LRBA: variants seen among roughly 807,000 people sequenced by gnomAD.
LRBA encodes LPS responsive beige-like anchor protein.
In LRBA, 176 loss-of-function variants were observed where a neutral mutation model predicts 330.0. The ratio of observed to expected loss-of-function variants is 0.53; its 90% CI spans 0.47 to 0.60. The LOEUF (loss-of-function observed/expected upper bound fraction) is 0.60. Among genes scored for constraint, LRBA ranks in the 20% least tolerant of loss-of-function variants. LRBA has a pLI of 0.00. For synonymous variants in LRBA, 1,230 were observed against 1,193.0 expected (o/e 1.03, Z -0.64); for missense variants, 3,259 against 3,444.8 (o/e 0.95, Z 1.35).
chr4:150,685,714 C>T (rs1468796320), intron 36 of LRBA, among the ~76,000 whole-genome samples: 4 of 151,540 alleles, frequency 2.6e-5, no homozygotes, highest in Non-Finnish European at 2.9e-5. Flanking sequence ...CGATTACAGG[C>T]GTGAGCCACC....
intron 47 of LRBA, among the ~76,000 whole-genome samples, chr4:150,378,622 T>TA (rs2151883032): frequency 6.6e-6 from 1 of 152,262 alleles, no homozygotes; most frequent in Non-Finnish European, 1.5e-5. Flanking sequence ...AATCACATTG[T>TA]AAGTAAAGGT....
intron 37 of LRBA, among the ~76,000 whole-genome samples, chr4:150,627,368 T>C (rs1776963262): frequency 6.6e-6 from 1 of 152,052 alleles, no homozygotes; most frequent in Admixed American, 6.6e-5. Flanking sequence ...AAATGACATA[T>C]AACAAGGCTT....
chr4:150,522,090 G>A (rs1762976325), intron 40 of LRBA, among the ~76,000 whole-genome samples: 1 of 151,952 alleles, frequency 6.6e-6, no homozygotes, highest in Non-Finnish European at 1.5e-5. Context: ...TATAATTCTG[G>A]AGGACAGAAA....
At chr4:150,358,805 C>A (rs144882150) in intron 47 of LRBA, among the ~76,000 whole-genome samples, 3,245 of 152,134 alleles carry the variant, frequency 0.021, 50 homozygotes, top group Middle Eastern at 0.034. Flanking sequence ...AAATTTAATC[C>A]CTTCCCATTT....
chr4:150,453,945 G>T (rs772149356), intron 44 of LRBA, among the ~76,000 whole-genome samples: 3 of 151,806 alleles, frequency 2.0e-5, no homozygotes, highest in Non-Finnish European at 4.4e-5. Flanking sequence ...TGAATGTTTC[G>T]ATCAAAACGA....
intron 47 of LRBA, among the ~76,000 whole-genome samples, chr4:150,351,268 T>C (rs563522658): frequency 4.6e-5 from 7 of 152,322 alleles, no homozygotes; most frequent in African/African-American, 1.7e-4. Flanking sequence ...AAACTATCCA[T>C]CTTTATATTA....
At chr4:150,695,631 G>A (rs1784550337) in intron 36 of LRBA, among the ~76,000 whole-genome samples, 1 of 152,064 alleles carries the variant, frequency 6.6e-6, no homozygotes, top group South Asian at 2.1e-4. Context: ...ACCAATTTTT[G>A]ATCTGCAGTT....
chr4:150,788,239 ATTTTTTTTTTTTTTTTT>A (rs377479266), intron 34 of LRBA, among the ~76,000 whole-genome samples: 2 of 123,228 alleles, frequency 1.6e-5, no homozygotes, highest in East Asian at 2.3e-4. Flanking sequence ...CACCCGGTTA[ATTTTTTTTTTTTTTTTT>A]TTTTTTTTTT....
At chr4:150,270,471 A>G (rs1459098041) in intron 56 of LRBA, among the ~76,000 whole-genome samples, 1 of 152,204 alleles carries the variant, frequency 6.6e-6, no homozygotes, top group Non-Finnish European at 1.5e-5. Flanking sequence ...ACTTAACAGA[A>G]GGTGCTTAGA....
rs181663731 is a variant in LRBA, at chr4:150,473,412, A to G, written c.6552-1673T>C. Among the ~76,000 whole-genome samples, 3 of 152,272 alleles carry G rather than the reference A, an allele frequency of 2.0e-5. No individual in the cohort carries two copies. In the East Asian group the frequency reaches 5.8e-4, roughly 29 times the overall value. On this transcript the variant is annotated intron_variant, in intron 42 of 56. Coordinates refer to ENST00000651943, the MANE Select transcript of LRBA (RefSeq NM_001364905.1). The stretch of plus-strand genomic sequence containing the variant: ...GACCTTAGAGAGCTGGTAAAACATG[A>G]TTTCTGGGTATATCTGTGATGGCAT...
chr4:150,841,061 A>T, intron 28 of LRBA: 1 of 1,019,976 alleles, frequency 9.8e-7, no homozygotes, highest in Non-Finnish European at 1.3e-6. Context: ...AGTCTGTTGG[A>T]AAAAACAAAG....
chr4:150,310,136 AT>A, intron 52 of LRBA, 92 bp downstream of exon 52: 2 of 853,866 alleles, frequency 2.3e-6, no homozygotes, highest in Non-Finnish European at 1.8e-6. Flanking sequence ...GGATTTTGTA[AT>A]TTTTGGAAGG....
At chr4:150,850,639 A>C (rs1750504946) in intron 24 of LRBA, 85 bp downstream of exon 24, 7 of 801,198 alleles carry the variant, frequency 8.7e-6, no homozygotes, top group Non-Finnish European at 9.4e-6. Flanking sequence ...AATGTCTGAA[A>C]TTAATTACAA....
At chr4:150,480,765 T>C (rs6832909) in intron 42 of LRBA, among the ~76,000 whole-genome samples, 12,733 of 152,236 alleles carry the variant, frequency 0.084, 936 homozygotes, top group African/African-American at 0.19. Flanking sequence ...TGATGTGATA[T>C]ACATAAGACA....
chr4:150,906,245 A>G, intron 12 of LRBA, 52 bp downstream of exon 12: 1 of 1,164,076 alleles, frequency 8.6e-7, no homozygotes. Context: ...TAGAGAACAA[A>G]TGTATGGCCT....
chr4:150,324,384 T>C (rs72953824), intron 49 of LRBA, among the ~76,000 whole-genome samples: 2,385 of 152,320 alleles, frequency 0.016, 48 homozygotes, highest in African/African-American at 0.05. Context: ...TGTAGTCTTC[T>C]GCCCACTAAA....
At chr4:150,589,040 T>TACACACAC (rs10637563) in intron 39 of LRBA, among the ~76,000 whole-genome samples, 1,513 of 146,800 alleles carry the variant, frequency 0.01, 29 homozygotes, top group African/African-American at 0.035. Flanking sequence ...TGTGTGTGTA[T>TACACACAC]ACACACACAC....
chr4:150,343,481 C>T (rs191319830), intron 48 of LRBA, among the ~76,000 whole-genome samples: 10 of 152,244 alleles, frequency 6.6e-5, no homozygotes, highest in East Asian at 1.9e-4. Context: ...CTGAACAAAA[C>T]GAATATTTGT....
chr4:150,335,718 A>C (rs1287855976), intron 48 of LRBA, among the ~76,000 whole-genome samples: 2 of 152,074 alleles, frequency 1.3e-5, no homozygotes, highest in Non-Finnish European at 2.9e-5. Flanking sequence ...CTTTTTTGAG[A>C]TAGGATTTCA....
Sources: gnomAD v4.1 joint callset for allele counts (sites outside exome capture counted in the v4.1 genomes callset) on GRCh38, gnomAD v4.1.1 for gene constraint, MANE v1.5 for transcripts, NCBI Gene and HGNC (gene_info 2026-07-23, HGNC 2026-07-21) for gene names.